Variants in LRP1B observed in about 807,000 individuals in gnomAD.
The protein encoded by LRP1B is LDL receptor related protein 1B.
LRP1B carries 217 observed loss-of-function variants against 556.6 expected under a neutral mutation model. The observed-to-expected ratio is 0.39, with a 90% CI of 0.35 to 0.44. LRP1B has a LOEUF of 0.44. Among genes scored for constraint, LRP1B ranks in the 20% least tolerant of loss-of-function variants. The pLI is 1.00. For missense variants in LRP1B, 5,053 were observed against 5,620.8 expected (o/e 0.90, Z 3.23); for synonymous variants, 2,047 against 1,865.8 (o/e 1.10, Z -2.50).
chr2:142,021,122 C>T (rs1703316071), intron 1 of LRP1B, among the ~76,000 whole-genome samples: 1 of 152,162 alleles, frequency 6.6e-6, no homozygotes, highest in Non-Finnish European at 1.5e-5. Context: ...TTCTCCCTTA[C>T]AAACCTCTAA....
chr2:142,042,619 A>C (rs1013597275), intron 1 of LRP1B, among the ~76,000 whole-genome samples: 2 of 151,522 alleles, frequency 1.3e-5, no homozygotes, highest in African/African-American at 4.8e-5. Flanking sequence ...AATCCTGGCA[A>C]GGCTTGCCTT....
At chr2:140,807,279 T>C (rs1690751607) in intron 32 of LRP1B, among the ~76,000 whole-genome samples, 1 of 152,156 alleles carries the variant, frequency 6.6e-6, no homozygotes, top group Non-Finnish European at 1.5e-5. Context: ...TAAAATAATG[T>C]AGGAAACTGT....
At chr2:140,459,776 G>T (rs910602758) in intron 60 of LRP1B, among the ~76,000 whole-genome samples, 2 of 152,066 alleles carry the variant, frequency 1.3e-5, no homozygotes, top group Admixed American at 6.6e-5. Flanking sequence ...TGATCTGGTG[G>T]GAGGTGATTG....
At chr2:141,321,398 C>T (rs190368057) in intron 3 of LRP1B, among the ~76,000 whole-genome samples, 48 of 152,142 alleles carry the variant, frequency 3.2e-4, no homozygotes, top group African/African-American at 1.1e-3. Flanking sequence ...TTGAATTTTG[C>T]TATACTGACT....
intron 1 of LRP1B, among the ~76,000 whole-genome samples, chr2:141,951,990 C>G (rs1574524409): frequency 9.4e-6 from 1 of 106,932 alleles, no homozygotes; most frequent in East Asian, 3.4e-4. Context: ...CTATCCCTCC[C>G]CCCTCCCCTC....
intron 41 of LRP1B, among the ~76,000 whole-genome samples, chr2:140,686,792 C>A (rs1435447372): frequency 1.3e-5 from 2 of 151,582 alleles, no homozygotes; most frequent in Non-Finnish European, 2.9e-5. Context: ...ATATGTCCAT[C>A]GATAGGAAGG....
chr2:140,909,988 A>G (rs1212044768), intron 21 of LRP1B, among the ~76,000 whole-genome samples: 1 of 151,286 alleles, frequency 6.6e-6, no homozygotes, highest in East Asian at 1.9e-4. Flanking sequence ...ATTAGTACAG[A>G]TAATAATTTT....
intron 2 of LRP1B, among the ~76,000 whole-genome samples, chr2:141,487,915 C>T (rs1046124014): frequency 6.6e-6 from 1 of 152,184 alleles, no homozygotes; most frequent in South Asian, 2.1e-4. Flanking sequence ...CTCACCAAGA[C>T]TCTTCTTTCA....
intron 6 of LRP1B, among the ~76,000 whole-genome samples, chr2:141,201,123 T>C (rs1681995545): frequency 6.6e-6 from 1 of 152,096 alleles, no homozygotes; most frequent in African/African-American, 2.4e-5. Context: ...CAGACAGCAA[T>C]TTGCAGGAAT....
intron 41 of LRP1B, among the ~76,000 whole-genome samples, chr2:140,614,725 C>T (rs1361152223): frequency 6.6e-6 from 1 of 152,108 alleles, no homozygotes. Flanking sequence ...AAACTCTCCT[C>T]CACTACCTCT....
chr2:140,861,963 G>A (rs753468112), intron 27 of LRP1B, among the ~76,000 whole-genome samples: 1 of 152,016 alleles, frequency 6.6e-6, no homozygotes, highest in African/African-American at 2.4e-5. Flanking sequence ...ATTCTTCTTT[G>A]CCTTCCTTTT....
intron 86 of LRP1B, among the ~76,000 whole-genome samples, chr2:140,248,897 T>A (rs1359329548): frequency 1.3e-5 from 2 of 151,452 alleles, no homozygotes; most frequent in Non-Finnish European, 3.0e-5. Flanking sequence ...CGAGAATATG[T>A]CATATGCTCC....
chr2:141,690,258 C>T (rs559411051), intron 2 of LRP1B, among the ~76,000 whole-genome samples: 140 of 150,816 alleles, frequency 9.3e-4, no homozygotes, highest in African/African-American at 3.3e-3. Flanking sequence ...TACAAGCATG[C>T]TGCTTCTTGG....
rs143197572 is a variant in LRP1B, at chr2:141,015,737, C to T, written c.2149G>A (p.Asp717Asn). The change falls in exon 13 of 91, where the codon GAT (aspartate) becomes AAT (asparagine). Residue 717 changes from aspartate (D) to asparagine (N), a missense_variant. By Grantham distance (23) the Asp-to-Asn change is conservative. Coordinates refer to ENST00000389484, the MANE Select transcript of LRP1B (RefSeq NM_018557.3). ...NTLYWCDAYYDHIEKVFLNGT... is the reference protein window; with the variant it reads ...NTLYWCDAYYNHIEKVFLNGT... ...TTCAAAAATACTTTTTCAATATGAT[C>T]GTAATAGGCATCACACCAGTATAAT... is the stretch of plus-strand genomic sequence containing the variant. 19 of 1,613,158 alleles carry T rather than the reference C, an allele frequency of 1.2e-5. No homozygotes were observed. In the Admixed American group the frequency reaches 1.3e-4, roughly 11 times the overall value.
intron 62 of LRP1B, 152 bp from the exon 63 acceptor site, chr2:140,450,813 A>C: frequency 1.7e-6 from 1 of 592,726 alleles, no homozygotes; most frequent in Non-Finnish European, 3.0e-6. Context: ...AACTAAATAC[A>C]CAAAAAGCCA....
chr2:141,576,220 C>T (rs543265597), intron 2 of LRP1B, among the ~76,000 whole-genome samples: 6 of 152,270 alleles, frequency 3.9e-5, no homozygotes, highest in African/African-American at 1.2e-4. Flanking sequence ...AAATGTGGTA[C>T]ATATATGCCA....
intron 3 of LRP1B, among the ~76,000 whole-genome samples, chr2:141,462,582 G>A (rs549498416): frequency 5.9e-4 from 89 of 152,064 alleles, no homozygotes; most frequent in African/African-American, 2.0e-3. Flanking sequence ...GATAGACATA[G>A]CAAACAACCA....
intron 3 of LRP1B, among the ~76,000 whole-genome samples, chr2:141,406,777 T>C (rs1426012754): frequency 1.3e-5 from 2 of 152,140 alleles, no homozygotes. Flanking sequence ...TACCATATTT[T>C]AGGGGTGACT....
rs551621046 is a variant in LRP1B, at chr2:140,961,545, CATAA to C, written c.2888-9609_2888-9606del. On this transcript the variant is annotated intron_variant, in intron 18 of 90. Coordinates refer to ENST00000389484, the MANE Select transcript of LRP1B (RefSeq NM_018557.3). ...GTTACTAAAACACAAGCAATATTTT[CATAA>C]ATAATTTTTGTTGTATATCACTTCC... Among the ~76,000 whole-genome samples, 302 of 152,080 alleles carry C rather than the reference CATAA, an allele frequency of 2.0e-3. 2 individuals carry two copies. Among genetic ancestry groups the C allele is most frequent in the African/African-American group, 6.6e-3 (274 of 41,518 alleles).
Sources: allele counts gnomAD v4.1 joint callset (sites outside exome capture counted in the v4.1 genomes callset), GRCh38; gene constraint gnomAD v4.1.1; transcripts MANE v1.5; gene names NCBI Gene and HGNC (gene_info 2026-07-23, HGNC 2026-07-21).